SCFD2: variants seen among roughly 807,000 people sequenced by gnomAD.
SCFD2 encodes sec1 family domain containing 2.
Under a neutral mutation model 58.9 loss-of-function variants are expected in SCFD2, and 54 were observed. The ratio of observed to expected loss-of-function variants is 0.92; its 90% CI spans 0.74 to 1.15. The LOEUF is 1.15. SCFD2 is among the 50% of genes most tolerant of loss of function. The pLI is 0.00. For missense variants in SCFD2, 805 were observed against 836.6 expected, an observed-to-expected ratio of 0.96 and a Z score of 0.47; for synonymous variants, 321 against 335.9, an observed-to-expected ratio of 0.96 and a Z score of 0.49.
chr4:53,256,785 G>T (rs185994595), intron 4 of SCFD2, among the ~76,000 whole-genome samples: 4,634 of 151,442 alleles, frequency 0.031, 128 homozygotes, highest in African/African-American at 0.083. Flanking sequence ...GAATCAGGCA[G>T]GGGGGTTGCA....
chr4:53,132,885 A>T (rs904985636), intron 5 of SCFD2, among the ~76,000 whole-genome samples: 6 of 152,238 alleles, frequency 3.9e-5, no homozygotes, highest in South Asian at 2.1e-4. Context: ...CAACTGGAAT[A>T]CTGTCCTGAG....
At chr4:52,899,909 A>G (rs1694025573) in intron 7 of SCFD2, among the ~76,000 whole-genome samples, 1 of 151,964 alleles carries the variant, frequency 6.6e-6, no homozygotes. Flanking sequence ...TTCATCTTCC[A>G]TCGCTGATAC....
At chr4:53,008,352 C>G (rs1249683502) in intron 5 of SCFD2, among the ~76,000 whole-genome samples, 1 of 152,104 alleles carries the variant, frequency 6.6e-6, no homozygotes, top group African/African-American at 2.4e-5. Context: ...CTCTCCCTCC[C>G]CACCCTGGCA....
chr4:52,925,339 CATATATATATATATACAT>C (rs1484900652), intron 5 of SCFD2, among the ~76,000 whole-genome samples: 2 of 137,082 alleles, frequency 1.5e-5, no homozygotes, highest in African/African-American at 5.9e-5. Flanking sequence ...CTGCTAAAGC[CATATATATATATATACAT>C]ATATATATAT....
chr4:53,287,945 A>T (rs543538719), intron 3 of SCFD2, among the ~76,000 whole-genome samples: 10 of 152,302 alleles, frequency 6.6e-5, no homozygotes, highest in African/African-American at 2.4e-4. Flanking sequence ...AATGAATTAA[A>T]AAAATATAAT....
At chr4:52,915,316 G>GT (rs1719575841) in intron 6 of SCFD2, among the ~76,000 whole-genome samples, 1 of 152,184 alleles carries the variant, frequency 6.6e-6, no homozygotes, top group Admixed American at 6.5e-5. Context: ...AGTTCTGATA[G>GT]TGAAGATGTC....
At chr4:53,110,888 G>A (rs749966918) in intron 5 of SCFD2, among the ~76,000 whole-genome samples, 10 of 152,240 alleles carry the variant, frequency 6.6e-5, no homozygotes, top group East Asian at 1.9e-4. Flanking sequence ...ACATGCACCC[G>A]TATGTTTACT....
chr4:52,978,108 A>C (rs2411289), intron 5 of SCFD2, among the ~76,000 whole-genome samples: 9,871 of 152,238 alleles, frequency 0.065, 384 homozygotes, highest in East Asian at 0.18. Context: ...CTTGTTAATT[A>C]CTTGTGGAGA....
At chr4:53,258,577 T>TATAG (rs757658747) in intron 4 of SCFD2, among the ~76,000 whole-genome samples, 2 of 121,406 alleles carry the variant, frequency 1.6e-5, no homozygotes, top group African/African-American at 3.2e-5. Context: ...TATATATATA[T>TATAG]ACACACACAT....
chr4:53,134,057 T>C (rs1418064680), intron 5 of SCFD2, among the ~76,000 whole-genome samples: 1 of 152,220 alleles, frequency 6.6e-6, no homozygotes, highest in Non-Finnish European at 1.5e-5. Context: ...CTTGAGGACA[T>C]TACAGTAAGT....
chr4:53,327,900 G>A (rs368004470), intron 2 of SCFD2, among the ~76,000 whole-genome samples: 1 of 152,278 alleles, frequency 6.6e-6, no homozygotes, highest in Admixed American at 6.5e-5. Context: ...GGAGGCCAAC[G>A]TGGGTGGATC....
intron 1 of SCFD2, among the ~76,000 whole-genome samples, chr4:53,360,549 C>T (rs1189133772): frequency 6.6e-6 from 1 of 152,206 alleles, no homozygotes; most frequent in Admixed American, 6.5e-5. Context: ...CCTGGCCATT[C>T]TGGCTTTATC....
At chr4:52,886,268 G>A (rs1718738677) in intron 7 of SCFD2, among the ~76,000 whole-genome samples, 1 of 151,906 alleles carries the variant, frequency 6.6e-6, no homozygotes, top group African/African-American at 2.4e-5. Context: ...TCCCCATTCT[G>A]AGCCCATAAA....
At chr4:53,226,873 A>G (rs1013989766) in intron 4 of SCFD2, among the ~76,000 whole-genome samples, 1 of 152,200 alleles carries the variant, frequency 6.6e-6, no homozygotes, top group Non-Finnish European at 1.5e-5. Flanking sequence ...AAACCTGTCT[A>G]TCACTAACTA....
intron 6 of SCFD2, among the ~76,000 whole-genome samples, chr4:52,912,383 T>C (rs1405229100): frequency 6.6e-6 from 1 of 152,178 alleles, no homozygotes; most frequent in Non-Finnish European, 1.5e-5. Flanking sequence ...AGAAAAAAAT[T>C]ACCTTTCTTG....
At chr4:53,177,618 A>T (rs1009461970) in intron 4 of SCFD2, among the ~76,000 whole-genome samples, 3 of 152,188 alleles carry the variant, frequency 2.0e-5, no homozygotes, top group Non-Finnish European at 4.4e-5. Flanking sequence ...CTGCATTTCC[A>T]ACTGAGGTAC....
chr4:53,125,106 G>C (rs1010431512), intron 5 of SCFD2, among the ~76,000 whole-genome samples: 5 of 152,094 alleles, frequency 3.3e-5, no homozygotes, highest in African/African-American at 1.2e-4. Flanking sequence ...TGAGGCACAG[G>C]GGTCATTCTG....
intron 2 of SCFD2, among the ~76,000 whole-genome samples, chr4:53,335,638 A>T (rs1251107488): frequency 1.3e-5 from 2 of 152,102 alleles, no homozygotes; most frequent in Non-Finnish European, 2.9e-5. Flanking sequence ...TTAGCAAATT[A>T]CTCTCAAATG....
intron 5 of SCFD2, among the ~76,000 whole-genome samples, chr4:52,954,212 G>A (rs996452159): frequency 2.0e-5 from 3 of 152,220 alleles, no homozygotes; most frequent in Non-Finnish European, 4.4e-5. Context: ...TCAGTGGCAG[G>A]TTGTCCCCAA....
Sources: allele counts gnomAD v4.1 joint callset (sites outside exome capture counted in the v4.1 genomes callset), GRCh38; gene constraint gnomAD v4.1.1; transcripts MANE v1.5; gene names NCBI Gene and HGNC (gene_info 2026-07-23, HGNC 2026-07-21).